The following PCDHGB2 variants were observed in gnomAD, a reference collection of about 807,000 sequenced individuals.
PCDHGB2 encodes protocadherin gamma subfamily B, 2, also known as protocadherin gamma-B2.
In PCDHGB2, 55 loss-of-function variants were observed where a neutral mutation model predicts 59.3. The observed-to-expected ratio is 0.93, with a 90% CI of 0.75 to 1.16. The LOEUF is 1.16. Among genes scored for constraint, PCDHGB2 ranks in the 50% most tolerant of loss-of-function variants. PCDHGB2 has a pLI of 0.00. For missense variants in PCDHGB2, 1,228 were observed against 1,198.5 expected (o/e 1.02, Z -0.36); for synonymous variants, 516 against 512.0 (o/e 1.01, Z -0.11).
At chr5:141,433,641 G>C (rs1177387884) in intron 1 of PCDHGB2, among the ~76,000 whole-genome samples, 1 of 152,104 alleles carries the variant, frequency 6.6e-6, no homozygotes, top group Admixed American at 6.5e-5. Flanking sequence ...TTTGAGACCA[G>C]CCTGACCAAC....
intron 1 of PCDHGB2, among the ~76,000 whole-genome samples, chr5:141,492,394 G>C (rs2099740158): frequency 6.6e-6 from 1 of 152,220 alleles, no homozygotes; most frequent in African/African-American, 2.4e-5. Context: ...CGGTCCACTC[G>C]CAGCTCCCCT....
chr5:141,426,790 A>T, intron 1 of PCDHGB2: 1 of 456,732 alleles, frequency 2.2e-6, no homozygotes, highest in Middle Eastern at 3.3e-4. Flanking sequence ...CTCCAGAGTT[A>T]CCAGCTCAGT....
intron 1 of PCDHGB2, among the ~76,000 whole-genome samples, chr5:141,472,725 C>T (rs1250092748): frequency 6.6e-6 from 1 of 152,022 alleles, no homozygotes; most frequent in Non-Finnish European, 1.5e-5. Flanking sequence ...GTGGCTCACA[C>T]CTGTAATCCC....
At chr5:141,419,570 G>T in intron 1 of PCDHGB2, 1 of 1,611,766 alleles carries the variant, frequency 6.2e-7, no homozygotes. Context: ...GGGTCCCGAC[G>T]GCTCCGCGCT....
chr5:141,428,488 CTGT>C (rs2097142454), intron 1 of PCDHGB2: 1 of 312,362 alleles, frequency 3.2e-6, no homozygotes. Flanking sequence ...TTCCTGCAAT[CTGT>C]ATGTTCCCTC....
At chr5:141,494,940 AG>A (rs888721888) in intron 2 of PCDHGB2, 75 bp downstream of exon 2, 1 of 1,610,860 alleles carries the variant, frequency 6.2e-7, no homozygotes, top group Non-Finnish European at 8.5e-7. Flanking sequence ...GAGATGGGGG[AG>A]GGCCCAGCAT....
At chr5:141,494,564 G>A (rs2099755274) in intron 1 of PCDHGB2, among the ~76,000 whole-genome samples, 1 of 152,138 alleles carries the variant, frequency 6.6e-6, no homozygotes, top group Non-Finnish European at 1.5e-5. Context: ...TTTAGGAAAG[G>A]AGTCTCAGCT....
chr5:141,425,844 G>C (rs985746948), intron 1 of PCDHGB2, among the ~76,000 whole-genome samples: 1 of 152,104 alleles, frequency 6.6e-6, no homozygotes, highest in Admixed American at 6.6e-5. Flanking sequence ...CTCTTTGCTG[G>C]GTTAATGACT....
chr5:141,441,752 C>T, intron 1 of PCDHGB2: 2 of 378,086 alleles, frequency 5.3e-6, no homozygotes, highest in Non-Finnish European at 1.1e-5. Context: ...TCGGCGTCAA[C>T]GTGAGCCTGC....
At position 141,477,004 on chromosome 5, in the gene PCDHGB2, C is replaced by T. The variant is rs1390668803; in HGVS notation, c.2422-17803C>T. On this transcript the variant is annotated intron_variant, in intron 1 of 3. Coordinates refer to ENST00000522605, the MANE Select transcript of PCDHGB2 (RefSeq NM_018923.3). The surrounding 1 kb of genome is among the most constrained non-coding windows in gnomAD (Gnocchi z 4.9). ...GCGCCGGCGTGCGGCAACTATTCGC[C>T]TTAGACCTTGTAACCGGGATGCTGA... is the stretch of plus-strand genomic sequence containing the variant. 3 of 1,614,236 alleles carry T rather than the reference C, an allele frequency of 1.9e-6. No homozygotes were observed. The highest frequency in any genetic ancestry group is 2.5e-6 in the Non-Finnish European group (3 of 1,180,042).
intron 3 of PCDHGB2, among the ~76,000 whole-genome samples, chr5:141,510,511 T>C (rs2099881465): frequency 6.6e-6 from 1 of 152,142 alleles, no homozygotes; most frequent in Non-Finnish European, 1.5e-5. Context: ...TGAGAGCCCG[T>C]GTCACAGCCC....
At chr5:141,403,715 G>A in intron 1 of PCDHGB2, 3 of 1,613,898 alleles carry the variant, frequency 1.9e-6, no homozygotes, top group Non-Finnish European at 2.5e-6. Flanking sequence ...CCTTGAGAAC[G>A]TGCCCCCAGG....
intron 1 of PCDHGB2, chr5:141,395,547 TGTGTGTGTGTGTG>T (rs2093269474): frequency 0.024 from 4,142 of 174,004 alleles, 329 homozygotes; most frequent in East Asian, 0.047. Flanking sequence ...ATTGTTTGTG[TGTGTGTGTGTGTG>T]TGTGTGTGTG....
At position 141,360,084 on chromosome 5, in the gene PCDHGB2, T is replaced by A. The variant is rs1761414694; in HGVS notation, c.-52T>A. The A allele has an allele frequency of 6.7e-7, 1 of 1,492,590 alleles. No individual in the cohort carries two copies. Among genetic ancestry groups the A allele is most frequent in the South Asian group, 1.4e-5 (1 of 72,940 alleles). 92.5% of individuals were successfully genotyped at this position (1,492,590 alleles called of 1,614,324 possible). A position where few individuals can be genotyped will look rare whatever the true frequency, so the allele number is the denominator to read the frequency against. ...AGTGACCTTAGCCCGGATTCTGCCATCCCCGGAAGGCTTATTCCTCCTATG... is the reference window on the plus strand; with the variant it reads ...AGTGACCTTAGCCCGGATTCTGCCAACCCCGGAAGGCTTATTCCTCCTATG... On this transcript the variant is annotated 5_prime_UTR_variant, in exon 1 of 4. Coordinates refer to ENST00000522605, the MANE Select transcript of PCDHGB2 (RefSeq NM_018923.3).
In PCDHGB2 at chr5:141,406,055, T is replaced by C. The variant is rs2094752189; in HGVS notation, c.2421+43499T>C. 5.3e-5 allele frequency among the ~76,000 whole-genome samples: 8 copies of C among 150,380 alleles called. No individual in the cohort carries two copies. In the South Asian group the frequency reaches 1.5e-3, roughly 28 times the overall value. On this transcript the variant is annotated intron_variant, in intron 1 of 3. Transcript: ENST00000522605. ...CTTCATTGGTTGCAGTGGACTCATA[T>C]CATAAAATTCTTACTCCTTTTTTTT...
chr5:141,429,861 A>G (rs1483953460), intron 1 of PCDHGB2, among the ~76,000 whole-genome samples: 1 of 152,226 alleles, frequency 6.6e-6, no homozygotes, highest in Non-Finnish European at 1.5e-5. Flanking sequence ...TCTTTGGACT[A>G]CCAATTTTCT....
intron 1 of PCDHGB2, chr5:141,397,846 A>C: frequency 1.9e-6 from 1 of 528,462 alleles, no homozygotes; most frequent in South Asian, 3.1e-5. Flanking sequence ...GAAGCCGCAG[A>C]GGCTGTAGTT....
intron 1 of PCDHGB2, chr5:141,408,518 T>G: frequency 6.2e-7 from 1 of 1,614,012 alleles, no homozygotes; most frequent in Non-Finnish European, 8.5e-7. Flanking sequence ...TGAGTTGCAA[T>G]TGGAAGCTGT....
At chr5:141,420,215 A>G in intron 1 of PCDHGB2, 2 of 1,612,096 alleles carry the variant, frequency 1.2e-6, no homozygotes, top group South Asian at 1.1e-5. Context: ...CAAAGATAGC[A>G]TGCTACTGGC....
Sources: gnomAD v4.1 joint callset for allele counts (sites outside exome capture counted in the v4.1 genomes callset) on GRCh38, gnomAD v4.1.1 for gene constraint, Gnocchi (gnomAD v3.1) non-coding constraint, MANE v1.5 for transcripts, NCBI Gene and HGNC (gene_info 2026-07-23, HGNC 2026-07-21) for gene names.